Variants in ANKRD28 observed in about 807,000 individuals in gnomAD.
The protein encoded by ANKRD28 is serine/threonine-protein phosphatase 6 regulatory ankyrin repeat subunit A.
In ANKRD28, 44 loss-of-function variants were observed where a neutral mutation model predicts 126.5. The observed-to-expected ratio is 0.35, with a 90% CI of 0.27 to 0.45. ANKRD28 has a LOEUF of 0.45. Ranked by LOEUF, ANKRD28 falls within the 20% of genes least tolerant of loss-of-function variation. The probability of loss-of-function intolerance (pLI) is 1.00; values close to 1 mark genes in which losing one functional copy is unlikely to be tolerated. For synonymous variants in ANKRD28, 442 were observed against 468.5 expected, an observed-to-expected ratio of 0.94 and a Z score of 0.73; for missense variants, 1,110 against 1,316.6, an observed-to-expected ratio of 0.84 and a Z score of 2.43.
At chr3:15,711,075 T>C (rs1201164585) in intron 12 of ANKRD28, 136 bp downstream of exon 12, 8 of 690,836 alleles carry the variant, frequency 1.2e-5, no homozygotes, top group Non-Finnish European at 1.9e-5. Context: ...CACCCTGGAC[T>C]TTTTTTTCCC....
intron 6 of ANKRD28, among the ~76,000 whole-genome samples, chr3:15,728,239 G>C (rs1324690056): frequency 1.3e-5 from 2 of 152,198 alleles, no homozygotes; most frequent in African/African-American, 2.4e-5. Flanking sequence ...TATTGTTTTA[G>C]ATGTATTGCT....
At chr3:15,798,253 A>G, upstream of ANKRD28, 3 of 786,004 alleles carry the variant, frequency 3.8e-6, no homozygotes, top group Non-Finnish European at 4.6e-6. Context: ...GCAAATGTTT[A>G]ACCCTATAAT....
At chr3:15,717,072 A>G (rs2073160776) in intron 8 of ANKRD28, among the ~76,000 whole-genome samples, 1 of 152,218 alleles carries the variant, frequency 6.6e-6, no homozygotes, top group Admixed American at 6.5e-5. Context: ...TAGATGAGGA[A>G]ATGTAGGCCC....
intron 1 of ANKRD28, among the ~76,000 whole-genome samples, chr3:15,840,677 T>C (rs575858740): frequency 1.3e-5 from 2 of 152,306 alleles, no homozygotes; most frequent in East Asian, 3.9e-4. Context: ...CAGCATGGTA[T>C]TAGCATAAAA....
At chr3:15,682,722 A>C (rs1315815375) in intron 21 of ANKRD28, among the ~76,000 whole-genome samples, 1 of 152,224 alleles carries the variant, frequency 6.6e-6, no homozygotes, top group African/African-American at 2.4e-5. Context: ...GCTGTACAAT[A>C]ATTACTAGTT....
intron 1 of ANKRD28, among the ~76,000 whole-genome samples, chr3:15,829,555 T>C (rs1487774014): frequency 1.3e-5 from 2 of 152,212 alleles, no homozygotes; most frequent in African/African-American, 2.4e-5. Context: ...TTTTAACCCA[T>C]GTGTCATTTT....
intron 1 of ANKRD28, among the ~76,000 whole-genome samples, chr3:15,810,262 C>T (rs60890585): frequency 6.6e-6 from 1 of 151,416 alleles, no homozygotes; most frequent in African/African-American, 2.4e-5. Context: ...ACTGGGACAA[C>T]TTCTCTGGGA....
chr3:15,721,523 A>G (rs1314448387), intron 7 of ANKRD28, among the ~76,000 whole-genome samples: 1 of 152,188 alleles, frequency 6.6e-6, no homozygotes, highest in East Asian at 1.9e-4. Context: ...ATTCAGTAAC[A>G]TGCACATTTT....
chr3:15,685,249 G>C lies in ANKRD28; in HGVS notation c.2366C>G (p.Ala789Gly). The part of the protein sequence containing the change: ...PATADNHGYT[A>G]LHWACYNGHE... ...ACCATTGTAGCAAGCCCAGTGAAGT[G>C]CCGTATATCCATGATTGTCTGCTGT... is the stretch of plus-strand genomic sequence containing the variant. The change falls in exon 21 of 28, where the codon GCA (alanine) becomes GGA (glycine). Residue 789 changes from alanine to glycine, a missense_variant. Coordinates refer to ENST00000683139, the MANE Select transcript of ANKRD28 (RefSeq NM_001349278.2). The C allele has an allele frequency of 1.2e-6, 2 of 1,613,950 alleles. No individual in the cohort carries two copies. The highest frequency in any genetic ancestry group is 2.2e-5 in the East Asian group (1 of 44,888).
chr3:15,837,099 CAAAA>C (rs397963167), intron 1 of ANKRD28, among the ~76,000 whole-genome samples: 2 of 108,570 alleles, frequency 1.8e-5, no homozygotes, highest in Non-Finnish European at 1.8e-5. Flanking sequence ...GACTCCGTCT[CAAAA>C]AAAAAAAAAA....
intron 18 of ANKRD28, among the ~76,000 whole-genome samples, chr3:15,687,158 T>C (rs1329772254): frequency 2.0e-5 from 3 of 151,986 alleles, no homozygotes; most frequent in African/African-American, 7.3e-5. Flanking sequence ...TAGGCATGGC[T>C]GGTCTTGAAC....
Position 15,737,040 on chromosome 3 carries a change from T to C in ANKRD28, c.545A>G (p.His182Arg), listed in dbSNP as rs767844555. ...TAATTGAATGCCACCTACCTCACCA[T>C]GTCCACTGAAAGCTGCATGATGTAA... ...TALHHAAFSGHGEMVKLLLSR... is the reference protein window; with the variant it reads ...TALHHAAFSGRGEMVKLLLSR... The change falls in exon 5 of 28, where the codon CAT (histidine) becomes CGT (arginine). Residue 182 changes from histidine to arginine, a missense_variant. By Grantham distance (29) the His-to-Arg change is conservative. Transcript: ENST00000683139. The C allele has an allele frequency of 1.9e-5, 30 of 1,613,956 alleles. No homozygotes were observed. The highest frequency in any genetic ancestry group is 2.5e-5 in the Non-Finnish European group (30 of 1,179,858).
intron 27 of ANKRD28, among the ~76,000 whole-genome samples, chr3:15,673,090 A>C (rs762287047): frequency 1.2e-4 from 19 of 152,166 alleles, no homozygotes; most frequent in Non-Finnish European, 2.8e-4. Flanking sequence ...TTTATCTCTT[A>C]ACATGCCACT....
At chr3:15,837,678 G>A (rs2061352628) in intron 1 of ANKRD28, among the ~76,000 whole-genome samples, 2 of 152,000 alleles carry the variant, frequency 1.3e-5, no homozygotes, top group African/African-American at 2.4e-5. Context: ...GCTGGGCACA[G>A]TGATGTTAAA....
At chr3:15,777,902 A>ACACC (rs1385745179) in intron 2 of ANKRD28, among the ~76,000 whole-genome samples, 62 of 136,812 alleles carry the variant, frequency 4.5e-4, no homozygotes, top group Admixed American at 1.6e-3. Context: ...ACACACACAC[A>ACACC]CCCTCTCCGC....
At chr3:15,689,892 A>C in intron 18 of ANKRD28, 127 bp downstream of exon 18, 1 of 799,056 alleles carries the variant, frequency 1.3e-6, no homozygotes, top group Non-Finnish European at 1.9e-6. Flanking sequence ...CAAATAATCC[A>C]TATATGATTT....
At chr3:15,714,010 G>C (rs1357397562) in intron 9 of ANKRD28, among the ~76,000 whole-genome samples, 2 of 152,040 alleles carry the variant, frequency 1.3e-5, no homozygotes, top group Non-Finnish European at 2.9e-5. Context: ...AAAAATATTG[G>C]ATCATGAACC....
At chr3:15,809,202 G>GA (rs1024356387) in intron 1 of ANKRD28, among the ~76,000 whole-genome samples, 31 of 152,076 alleles carry the variant, frequency 2.0e-4, no homozygotes, top group African/African-American at 7.5e-4. Context: ...CAAGTTCTAT[G>GA]CATTTTACAT....
chr3:15,697,213 C>T (rs548021056), intron 14 of ANKRD28: 3 of 152,350 alleles, frequency 2.0e-5, no homozygotes, highest in African/African-American at 2.4e-5. Context: ...CGTATGTTCT[C>T]GCTCATAAGT....
Sources: gnomAD v4.1 joint callset for allele counts (sites outside exome capture counted in the v4.1 genomes callset) on GRCh38, gnomAD v4.1.1 for gene constraint, MANE v1.5 for transcripts, NCBI Gene and HGNC (gene_info 2026-07-23, HGNC 2026-07-21) for gene names.